The following ANO1 variants were observed in gnomAD, a reference collection of about 807,000 sequenced individuals.
The protein encoded by ANO1 is anoctamin-1.
In ANO1, 59 loss-of-function variants were observed where a neutral mutation model predicts 124.0. The observed-to-expected ratio is 0.48, with a 90% CI of 0.39 to 0.59. The LOEUF is 0.59. ANO1 is among the 20% of genes least tolerant of loss of function. The pLI is 0.00. For missense variants in ANO1, 1,059 were observed against 1,328.0 expected (o/e 0.80, Z 3.15); for synonymous variants, 529 against 532.0 (o/e 0.99, Z 0.08).
chr11:70,176,138 G>GGT (rs2048684055), intron 22 of ANO1, among the ~76,000 whole-genome samples: 1 of 135,720 alleles, frequency 7.4e-6, no homozygotes, highest in African/African-American at 2.9e-5. Context: ...CCAGATTATG[G>GGT]GTATATATAT....
At chr11:69,978,256 T>A in the ANO1 span, among the ~76,000 whole-genome samples, 1 of 152,200 alleles carries the variant, frequency 6.6e-6, no homozygotes, top group Non-Finnish European at 1.5e-5. Flanking sequence ...AAACAGCAAG[T>A]GTTTTTGTTG....
At chr11:70,117,096 C>CTTTTTTTTTT (rs1479602475) in intron 8 of ANO1, among the ~76,000 whole-genome samples, 8 of 75,964 alleles carry the variant, frequency 1.1e-4, no homozygotes, top group Admixed American at 5.0e-4. Flanking sequence ...TTCTTTGTTT[C>CTTTTTTTTTT]TTTCTTTTTT....
At chr11:70,133,765 A>G (rs2046850355) in intron 11 of ANO1, among the ~76,000 whole-genome samples, 1 of 152,174 alleles carries the variant, frequency 6.6e-6, no homozygotes, top group Admixed American at 6.5e-5. Context: ...TGCAGCTGGG[A>G]CTCAGGGTTT....
At chr11:70,180,095 G>A (rs755706737) in intron 23 of ANO1, 39 bp downstream of exon 23, 17 of 1,586,382 alleles carry the variant, frequency 1.1e-5, no homozygotes, top group Admixed American at 5.0e-5. Context: ...TGGAAGTCCC[G>A]GCTGAACTGC....
At chr11:70,047,640 T>C (rs1857282378) in intron 1 of ANO1, among the ~76,000 whole-genome samples, 1 of 152,254 alleles carries the variant, frequency 6.6e-6, no homozygotes, top group African/African-American at 2.4e-5. Context: ...GTACAATGGT[T>C]TGAATCATAA....
At chr11:70,005,432 C>A (rs906632838) in intron 1 of ANO1, among the ~76,000 whole-genome samples, 1 of 152,126 alleles carries the variant, frequency 6.6e-6, no homozygotes, top group African/African-American at 2.4e-5. Flanking sequence ...GGAAATAAAA[C>A]GTTCTTGTTG....
Position 70,059,348 on chromosome 11 carries a change from C to CAAAAA in ANO1, c.59-19177_59-19173dup, listed in dbSNP as rs1192273449. Among the ~76,000 whole-genome samples, 5 of 75,074 alleles carry CAAAAA rather than the reference C, an allele frequency of 6.7e-5. 1 individual carries two copies. The highest frequency in any genetic ancestry group is 9.6e-5 in the Non-Finnish European group (4 of 41,882). 49.3% of individuals were successfully genotyped at this position (75,074 alleles called of 152,430 possible). ...CCTGGGCGACAGAGCGAGACACTGT[C>CAAAAA]AAAAAAAAAAAAAAAAAAAAAGCCG... On this transcript the variant is annotated intron_variant, in intron 1 of 27. Transcript: ENST00000531349.
At chr11:70,048,766 G>A (rs929314353) in intron 1 of ANO1, among the ~76,000 whole-genome samples, 7 of 150,282 alleles carry the variant, frequency 4.7e-5, no homozygotes, top group Non-Finnish European at 8.8e-5. Flanking sequence ...GCCACTAGGT[G>A]CTGTTTTGTG....
At chr11:69,982,047 G>GCAGTCACT (rs1554996282), upstream of ANO1, among the ~76,000 whole-genome samples, 1 of 152,186 alleles carries the variant, frequency 6.6e-6, no homozygotes, top group Non-Finnish European at 1.5e-5. Flanking sequence ...GATGGGGAGT[G>GCAGTCACT]ACTGCTAGCG....
intron 18 of ANO1, 123 bp downstream of exon 18, chr11:70,161,856 C>A: frequency 3.3e-6 from 3 of 895,930 alleles, no homozygotes; most frequent in African/African-American, 1.7e-5. Flanking sequence ...CACCCGCAGC[C>A]AAAGAGGGTC....
intron 1 of ANO1, among the ~76,000 whole-genome samples, chr11:70,050,867 T>C (rs191130786): frequency 6.6e-6 from 1 of 152,266 alleles, no homozygotes; most frequent in African/African-American, 2.4e-5. Flanking sequence ...AACAAGGTTA[T>C]AGGAAAACTA....
At chr11:70,047,821 A>C (rs182591712) in intron 1 of ANO1, among the ~76,000 whole-genome samples, 17 of 152,366 alleles carry the variant, frequency 1.1e-4, no homozygotes, top group Middle Eastern at 3.4e-3. Flanking sequence ...GGCAAATGAC[A>C]AAAAGGAAGA....
At chr11:70,152,677 C>T (rs1242320463) in intron 13 of ANO1, among the ~76,000 whole-genome samples, 1 of 152,244 alleles carries the variant, frequency 6.6e-6, no homozygotes, top group Non-Finnish European at 1.5e-5. Flanking sequence ...GGCCTGGCAC[C>T]TCTGGGCTTC....
upstream of ANO1, among the ~76,000 whole-genome samples, chr11:69,984,354 G>A (rs1367891171): frequency 3.0e-5 from 1 of 33,498 alleles, no homozygotes; most frequent in Non-Finnish European, 8.4e-5. Flanking sequence ...CCACTTGAGT[G>A]CCTGTGTGGG....
At chr11:70,102,976 G>C in intron 2 of ANO1, 90 bp from the exon 3 acceptor site, 1 of 890,230 alleles carries the variant, frequency 1.1e-6, no homozygotes, top group East Asian at 2.7e-5. Flanking sequence ...GTAGCTGCTC[G>C]ATAAATTGTG....
intron 25 of ANO1, among the ~76,000 whole-genome samples, chr11:70,186,153 G>A (rs1004920847): frequency 1.4e-4 from 22 of 152,054 alleles, no homozygotes; most frequent in Admixed American, 1.3e-4. Context: ...CGGGTGTGGT[G>A]GTGCACACCT....
intron 1 of ANO1, among the ~76,000 whole-genome samples, chr11:70,041,875 C>T (rs903617740): frequency 2.0e-5 from 3 of 152,116 alleles, no homozygotes; most frequent in Admixed American, 6.5e-5. Context: ...GTGGGTTAAA[C>T]GCATATGTCT....
Position 70,103,104 on chromosome 11 carries a change from C to A in ANO1, c.480C>A (p.Ala160=). Residue 160 remains alanine, a synonymous_variant, in exon 3 of 26, where the codon GCC becomes GCA. Transcript: ENST00000355303. ...IHGVGFVKIH[A]PWNVLCREAE... ...GAGTCGGGTTTGTGAAAATCCATGC[C>A]CCCTGGAACGTGCTGTGCAGAGAGG... is the stretch of plus-strand genomic sequence containing the variant. 1 of 1,612,938 alleles carries A rather than the reference C, an allele frequency of 6.2e-7. No homozygotes were observed. The highest frequency in any genetic ancestry group is 8.5e-7 in the Non-Finnish European group (1 of 1,179,532).
At chr11:70,009,981 C>A (rs1363977004) in intron 1 of ANO1, among the ~76,000 whole-genome samples, 1 of 151,846 alleles carries the variant, frequency 6.6e-6, no homozygotes, top group Non-Finnish European at 1.5e-5. Flanking sequence ...GCCTTTGCAT[C>A]CTCATAGTTT....
Sources: allele counts gnomAD v4.1 joint callset (sites outside exome capture counted in the v4.1 genomes callset), GRCh38; gene constraint gnomAD v4.1.1; transcripts MANE v1.5; gene names NCBI Gene and HGNC (gene_info 2026-07-23, HGNC 2026-07-21).